The following DDHD2 variants were observed in gnomAD, a reference collection of about 807,000 sequenced individuals.
The protein encoded by DDHD2 is DDHD domain containing 2.
A neutral mutation model predicts 91.2 loss-of-function variants in DDHD2; 62 were observed. The ratio of observed to expected loss-of-function variants is 0.68; its 90% confidence interval spans 0.55 to 0.84. The LOEUF (loss-of-function observed/expected upper bound fraction) is 0.84. Ranked by LOEUF, DDHD2 falls within the 40% of genes least tolerant of loss-of-function variation. DDHD2 has a pLI of 0.00. For missense variants in DDHD2, 740 were observed against 846.9 expected (o/e 0.87, Z 1.57); for synonymous variants, 271 against 293.9 (o/e 0.92, Z 0.80).
At chr8:38,240,563 G>A (rs1805171551) in intron 6 of DDHD2, among the ~76,000 whole-genome samples, 199 bp downstream of exon 6, 1 of 152,218 alleles carries the variant, frequency 6.6e-6, no homozygotes, top group Admixed American at 6.5e-5. Flanking sequence ...CTTAACTATT[G>A]TAATAGTCTC....
Position 38,238,161 on chromosome 8 carries a change from A to C in DDHD2, c.574A>C (p.Arg192=). Residue 192 remains arginine, a synonymous_variant, in exon 5 of 18, where the codon AGA becomes CGA. Transcript: ENST00000397166. ...GSTPTEQGRP[R]TVKRGVENIS... ...AACACCCACGGAGCAGGGTCGACCA[A>C]GAACTGTGAAGAGAGGAGTTGAGAA... 1 of 1,614,008 alleles carries C rather than the reference A, an allele frequency of 6.2e-7. No homozygotes were observed. Among genetic ancestry groups the C allele is most frequent in the East Asian group, 2.2e-5 (1 of 44,880 alleles).
chr8:38,247,929 T>C, intron 10 of DDHD2, 94 bp downstream of exon 10: 1 of 923,682 alleles, frequency 1.1e-6, no homozygotes, highest in South Asian at 2.0e-5. Context: ...CACTTTTTAG[T>C]CATAAATACT....
chr8:38,268,621 C>A, intron 1 of DDHD2: 1 of 1,440,884 alleles, frequency 6.9e-7, no homozygotes, highest in South Asian at 1.5e-5. Context: ...TGAACAGCAG[C>A]GCCCGTGCGG....
chr8:38,266,160 G>C (rs1294675949), downstream of DDHD2: 14 of 1,613,892 alleles, frequency 8.7e-6, no homozygotes, highest in African/African-American at 1.3e-5. Flanking sequence ...GATGCTTGTA[G>C]TCACATGTGC....
chr8:38,255,930 T>C (rs1806479841), intron 16 of DDHD2, among the ~76,000 whole-genome samples: 1 of 152,240 alleles, frequency 6.6e-6, no homozygotes, highest in South Asian at 2.1e-4. Context: ...GGTTGTACCT[T>C]TTTATACTCC....
rs550539752 is a variant in DDHD2, at chr8:38,250,019, C to T, written c.1344+216C>T. On this transcript the variant is annotated intron_variant, in intron 11 of 17. Coordinates refer to ENST00000397166, the MANE Select transcript of DDHD2 (RefSeq NM_015214.3). ...GCAACCTCTGCCTCCCGGGTTCAAG[C>T]GATTCTCCTGCCTCAGCCTCTCGAG... The T allele has an allele frequency of 1.3e-3, 314 of 241,902 alleles. 1 individual carries two copies. Among genetic ancestry groups the T allele is most frequent in the Non-Finnish European group, 1.9e-3 (236 of 121,418 alleles). The allele number at this position is 241,902 out of a possible 1,614,324, so 15.0% of individuals were successfully genotyped here. A position where few individuals can be genotyped will look rare whatever the true frequency, so the allele number is the denominator to read the frequency against.
In DDHD2 at chr8:38,237,594, C is replaced by A; in HGVS notation, c.468C>A (p.Pro156=). ...AATGGAAAAAGAAACTGGAATCTCCCAACAGAGAAATTATTATTTTACACA... is the reference window on the plus strand; with the variant it reads ...AATGGAAAAAGAAACTGGAATCTCCAAACAGAGAAATTATTATTTTACACA... ...LDEWKKKLES[P]NREIIILHNP... Residue 156 remains proline, a synonymous_variant, in exon 4 of 18, where the codon CCC becomes CCA. Coordinates refer to ENST00000397166, the MANE Select transcript of DDHD2 (RefSeq NM_015214.3). 1 of 1,591,220 alleles carries A rather than the reference C, an allele frequency of 6.3e-7. No homozygotes were observed. The highest frequency in any genetic ancestry group is 1.1e-5 in the South Asian group (1 of 87,184).
chr8:38,252,150 C>T lies in DDHD2; in HGVS notation c.1480C>T (p.Arg494Trp), dbSNP rs756500201. ...GIGQVSVKYP[R>W]LIYKPEIFFA... ...CTTTGAGGTGTCTGTGAAATACCCC[C>T]GGCTCATCTATAAACCAGAGATATT... is the stretch of plus-strand genomic sequence containing the variant. The change falls in exon 13 of 18, where the codon CGG becomes TGG. Residue 494 changes from arginine (R) to tryptophan (W), a missense_variant. Arg to Trp is a moderately radical substitution (Grantham distance 101, BLOSUM62 -3). Transcript: ENST00000397166. 31 of 1,613,868 alleles carry T rather than the reference C, an allele frequency of 1.9e-5. No individual in the cohort carries two copies. The highest frequency in any genetic ancestry group is 1.6e-4 in the Middle Eastern group (1 of 6,082).
chr8:38,269,285 C>G, intron 1 of DDHD2: 2 of 1,281,480 alleles, frequency 1.6e-6, no homozygotes, highest in Non-Finnish European at 1.0e-6. Flanking sequence ...CGCCCCCTCT[C>G]CCAGTTGCCC....
In DDHD2 at chr8:38,247,744, A is replaced by C. The variant is rs1187124864; in HGVS notation, c.1157A>C (p.Asp386Ala). 1.5e-5 allele frequency: 23 copies of C among 1,556,548 alleles called. No homozygotes were observed. Among genetic ancestry groups the C allele is most frequent in the Middle Eastern group, 1.7e-4 (1 of 5,888 alleles). Reference sequence around the variant, plus strand: ...CTAAATATTGTAATGGATCAAGGAGATACACCTACACTAGAGGAAGATTTG... The same window carrying C: ...CTAAATATTGTAATGGATCAAGGAGCTACACCTACACTAGAGGAAGATTTG... The part of the protein sequence containing the change: ...DSLNIVMDQG[D>A]TPTLEEDLKK... The change falls in exon 10 of 18, where the codon GAT becomes GCT. Residue 386 changes from aspartate (D) to alanine (A), a missense_variant. By Grantham distance (126) the Asp-to-Ala change is moderately radical. Coordinates refer to ENST00000397166, the MANE Select transcript of DDHD2 (RefSeq NM_015214.3).
intron 6 of DDHD2, chr8:38,242,036 A>G (rs549572395): frequency 7.1e-5 from 31 of 434,628 alleles, no homozygotes; most frequent in Admixed American, 2.8e-4. Context: ...CTTGGGTTAC[A>G]GAGCAGTACT....
chr8:38,233,984 A>T (rs1323214915), intron 2 of DDHD2, among the ~76,000 whole-genome samples: 1 of 152,104 alleles, frequency 6.6e-6, no homozygotes, highest in Non-Finnish European at 1.5e-5. Flanking sequence ...GTGCAGAAGA[A>T]TGAACTCTCT....
intron 10 of DDHD2, among the ~76,000 whole-genome samples, chr8:38,249,165 T>C (rs1054547594): frequency 6.6e-6 from 1 of 151,804 alleles, no homozygotes; most frequent in Non-Finnish European, 1.5e-5. Flanking sequence ...CAGGCTGGAG[T>C]GCAGTGGCGC....
chr8:38,251,813 A>G, intron 11 of DDHD2, 99 bp from the exon 12 acceptor site: 1 of 790,900 alleles, frequency 1.3e-6, no homozygotes, highest in Non-Finnish European at 2.1e-6. Context: ...GGCTTAAACA[A>G]TCCTACCTAC....
At chr8:38,262,935 T>C (rs1726732001), downstream of DDHD2, 1 of 152,222 alleles carries the variant, frequency 6.6e-6, no homozygotes, top group South Asian at 2.1e-4. Flanking sequence ...TTAATTGTCA[T>C]AGGCAGAATT....
chr8:38,232,968 A>T lies in DDHD2; in HGVS notation c.-8-19A>T. On this transcript the variant is annotated intron_variant, in intron 1 of 17. Transcript: ENST00000397166. ...ACACAGTTAAGTTCGTTTTCCTGATAGTTTTCTTTTGTCTTTAGAGAGCGA... is the reference window on the plus strand; with the variant it reads ...ACACAGTTAAGTTCGTTTTCCTGATTGTTTTCTTTTGTCTTTAGAGAGCGA... The T allele has an allele frequency of 6.3e-7, 1 of 1,597,454 alleles. No individual in the cohort carries two copies. Among genetic ancestry groups the T allele is most frequent in the Non-Finnish European group, 8.6e-7 (1 of 1,168,398 alleles).
intron 5 of DDHD2, chr8:38,238,778 T>C (rs1411177240): frequency 2.7e-6 from 2 of 753,658 alleles, no homozygotes; most frequent in African/African-American, 3.8e-5. Flanking sequence ...AAGTATTTTA[T>C]CAATGTTCAG....
At chr8:38,254,487 C>T (rs1030599506) in intron 16 of DDHD2, among the ~76,000 whole-genome samples, 3 of 151,764 alleles carry the variant, frequency 2.0e-5, no homozygotes, top group African/African-American at 7.3e-5. Flanking sequence ...CTCAAGTGAT[C>T]CTCCCCCCTC....
intron 16 of DDHD2, 127 bp from the exon 17 acceptor site, chr8:38,259,913 C>T (rs1310688304): frequency 1.6e-6 from 1 of 645,098 alleles, no homozygotes; most frequent in Non-Finnish European, 2.7e-6. Flanking sequence ...ACTTCTGAAT[C>T]TCATTTCTTT....
Sources: allele counts gnomAD v4.1 joint callset (sites outside exome capture counted in the v4.1 genomes callset), GRCh38; gene constraint gnomAD v4.1.1; transcripts MANE v1.5; gene names NCBI Gene and HGNC (gene_info 2026-07-23, HGNC 2026-07-21).